The following ZNF804B variants were observed in gnomAD, a reference collection of about 807,000 sequenced individuals.
ZNF804B encodes zinc finger protein 804B.
A neutral mutation model predicts 101.4 loss-of-function variants in ZNF804B; 80 were observed. The ratio of observed to expected loss-of-function variants is 0.79; its 90% CI spans 0.66 to 0.95. ZNF804B has a LOEUF of 0.95. Among genes scored for constraint, ZNF804B ranks in the 40% least tolerant of loss-of-function variants. The pLI, the probability that ZNF804B is intolerant of heterozygous loss-of-function variation, is 0.00. For synonymous variants in ZNF804B, 622 were observed against 558.8 expected, an observed-to-expected ratio of 1.11 and a Z score of -1.59; for missense variants, 1,673 against 1,561.9, an observed-to-expected ratio of 1.07 and a Z score of -1.20.
chr7:89,257,289 C>A lies in ZNF804B; in HGVS notation c.249+38994C>A, dbSNP rs549741060. Among the ~76,000 whole-genome samples, 489 of 152,098 alleles carry A rather than the reference C, an allele frequency of 3.2e-3. 6 individuals carry two copies. The highest frequency in any genetic ancestry group is 0.027 in the Middle Eastern group (8 of 294). ...CCTTCCACGAATTTTTTAAAATATG[C>A]TTTGAATATAGCATATTATATGTAA... On this transcript the variant is annotated intron_variant, in intron 2 of 3. Coordinates refer to ENST00000333190, the MANE Select transcript of ZNF804B (RefSeq NM_181646.5).
chr7:89,038,121 A>G (rs78267022), intron 1 of ZNF804B, among the ~76,000 whole-genome samples: 3,556 of 152,250 alleles, frequency 0.023, 159 homozygotes, highest in African/African-American at 0.08. Context: ...TGTGTCAATA[A>G]TGGTGCAATA....
intron 1 of ZNF804B, among the ~76,000 whole-genome samples, chr7:89,173,569 C>A (rs903621060): frequency 2.0e-5 from 3 of 151,848 alleles, no homozygotes; most frequent in African/African-American, 7.3e-5. Flanking sequence ...ATAAATAGTG[C>A]TATATTTCTA....
chr7:89,197,657 T>G (rs1373015856), intron 1 of ZNF804B, among the ~76,000 whole-genome samples: 1 of 151,930 alleles, frequency 6.6e-6, no homozygotes, highest in Non-Finnish European at 1.5e-5. Flanking sequence ...AGATCTTGAT[T>G]CAATCTATGT....
chr7:89,297,046 A>G (rs953119619), intron 2 of ZNF804B, among the ~76,000 whole-genome samples: 1 of 152,102 alleles, frequency 6.6e-6, no homozygotes, highest in East Asian at 1.9e-4. Context: ...TAAGCTTAAC[A>G]TAGCCCCTCA....
chr7:89,050,915 CATT>C (rs1789193482), intron 1 of ZNF804B, among the ~76,000 whole-genome samples: 1 of 151,950 alleles, frequency 6.6e-6, no homozygotes, highest in Admixed American at 6.6e-5. Flanking sequence ...GGATATAACT[CATT>C]ATCATTTTGT....
chr7:89,080,218 G>T (rs1789675899), intron 1 of ZNF804B, among the ~76,000 whole-genome samples: 1 of 151,454 alleles, frequency 6.6e-6, no homozygotes, highest in African/African-American at 2.4e-5. Flanking sequence ...AAATCCTACT[G>T]AAGTTAATTA....
intron 1 of ZNF804B, among the ~76,000 whole-genome samples, chr7:88,948,238 AC>A (rs972891450): frequency 6.7e-6 from 1 of 150,266 alleles, no homozygotes; most frequent in Non-Finnish European, 1.5e-5. Context: ...GTCCTAAAAA[AC>A]CCTAGTTGTT....
Position 89,333,884 on chromosome 7 carries a change from A to C in ZNF804B, c.902A>C (p.Lys301Thr). The change falls in exon 4 of 4, where the codon AAA becomes ACA. Residue 301 changes from lysine to threonine, a missense_variant. Coordinates refer to ENST00000333190, the MANE Select transcript of ZNF804B (RefSeq NM_181646.5). ...CACAATACCATCTCCATAAACTCTA[A>C]AATTTTGCAAGACAAACACGACTCT... ...VLHNTISINS[K>T]ILQDKHDSID... The C allele has an allele frequency of 6.2e-7, 1 of 1,613,458 alleles. No individual in the cohort carries two copies. Among genetic ancestry groups the C allele is most frequent in the Non-Finnish European group, 8.5e-7 (1 of 1,179,746 alleles).
intron 2 of ZNF804B, among the ~76,000 whole-genome samples, chr7:89,266,329 T>G (rs1789795739): frequency 6.6e-6 from 1 of 152,124 alleles, no homozygotes; most frequent in Admixed American, 6.5e-5. Context: ...AAAGGTCATA[T>G]TTGCATTTCA....
intron 1 of ZNF804B, among the ~76,000 whole-genome samples, chr7:88,921,254 A>T (rs1259993556): frequency 6.6e-6 from 1 of 152,074 alleles, no homozygotes; most frequent in East Asian, 1.9e-4. Flanking sequence ...GTGAGTTAAG[A>T]CAAAAAACTG....
chr7:89,015,681 G>C (rs1788540881), intron 1 of ZNF804B, among the ~76,000 whole-genome samples: 1 of 152,008 alleles, frequency 6.6e-6, no homozygotes, highest in African/African-American at 2.4e-5. Flanking sequence ...ATTTTTTATG[G>C]CTGCATAGTA....
At chr7:89,007,469 T>TAG (rs1788383887) in intron 1 of ZNF804B, among the ~76,000 whole-genome samples, 1 of 122,684 alleles carries the variant, frequency 8.2e-6, no homozygotes, top group Non-Finnish European at 1.7e-5. Context: ...TATATATATA[T>TAG]ATATATATAT....
At chr7:89,212,388 GA>G (rs961259018) in intron 1 of ZNF804B, among the ~76,000 whole-genome samples, 21 of 151,820 alleles carry the variant, frequency 1.4e-4, no homozygotes, top group Admixed American at 6.6e-4. Context: ...TGTAACAAAA[GA>G]CAAATTAACA....
chr7:89,147,103 T>TATATATA (rs1562897027), intron 1 of ZNF804B, among the ~76,000 whole-genome samples: 1 of 130,188 alleles, frequency 7.7e-6, no homozygotes, highest in African/African-American at 3.2e-5. Context: ...ATATATATAT[T>TATATATA]TAATGTTTAA....
At chr7:89,060,363 G>A (rs1789360510) in intron 1 of ZNF804B, among the ~76,000 whole-genome samples, 1 of 152,072 alleles carries the variant, frequency 6.6e-6, no homozygotes, top group African/African-American at 2.4e-5. Context: ...CTTGCAAAAA[G>A]GCTGTGATAA....
At chr7:89,249,608 C>T (rs974973539) in intron 2 of ZNF804B, among the ~76,000 whole-genome samples, 1 of 151,852 alleles carries the variant, frequency 6.6e-6, no homozygotes, top group Non-Finnish European at 1.5e-5. Flanking sequence ...ATACAATATA[C>T]TAAAAATCTC....
intron 1 of ZNF804B, among the ~76,000 whole-genome samples, chr7:89,057,744 A>G (rs1789319312): frequency 6.6e-6 from 1 of 152,062 alleles, no homozygotes; most frequent in Non-Finnish European, 1.5e-5. Flanking sequence ...TTAGAGTAGA[A>G]GCAAGTGATG....
chr7:89,203,971 A>T (rs1346338240), intron 1 of ZNF804B, among the ~76,000 whole-genome samples: 1 of 152,202 alleles, frequency 6.6e-6, no homozygotes, highest in Non-Finnish European at 1.5e-5. Context: ...CACTGAATCT[A>T]TTTGAAGGGA....
chr7:89,283,034 A>T (rs1790124034), intron 2 of ZNF804B, among the ~76,000 whole-genome samples: 1 of 152,226 alleles, frequency 6.6e-6, no homozygotes, highest in Non-Finnish European at 1.5e-5. Context: ...AGATACAGCT[A>T]AGAAAACCAA....
Sources: allele counts gnomAD v4.1 joint callset (sites outside exome capture counted in the v4.1 genomes callset), GRCh38; gene constraint gnomAD v4.1.1; transcripts MANE v1.5; gene names NCBI Gene and HGNC (gene_info 2026-07-23, HGNC 2026-07-21).